Variants in AVL9 observed in about 807,000 individuals in gnomAD.
AVL9 encodes the protein late secretory pathway protein AVL9 homolog.
AVL9 carries 49 observed loss-of-function variants against 79.2 expected under a neutral mutation model. That is an observed-to-expected ratio of 0.62 (90% CI 0.49 to 0.79). AVL9 has a LOEUF of 0.79. AVL9 is among the 30% of genes least tolerant of loss of function. AVL9 has a pLI of 0.00. For missense variants in AVL9, 682 were observed against 776.8 expected, an observed-to-expected ratio of 0.88 and a Z score of 1.45; for synonymous variants, 299 against 280.6, an observed-to-expected ratio of 1.07 and a Z score of -0.65.
intron 1 of AVL9, among the ~76,000 whole-genome samples, chr7:32,526,712 A>G (rs1450977427): frequency 6.6e-6 from 1 of 152,142 alleles, no homozygotes; most frequent in African/African-American, 2.4e-5. Context: ...GAAAAAGAAA[A>G]AAGAGACATT....
chr7:32,506,359 C>T (rs1013421894), intron 1 of AVL9, among the ~76,000 whole-genome samples: 2 of 152,094 alleles, frequency 1.3e-5, no homozygotes, highest in Admixed American at 1.3e-4. Context: ...ATTACTCAAA[C>T]ACAAGCATCT....
chr7:32,511,144 G>A (rs1172356602), intron 1 of AVL9, among the ~76,000 whole-genome samples: 1 of 142,076 alleles, frequency 7.0e-6, no homozygotes, highest in Non-Finnish European at 1.5e-5. Flanking sequence ...GTCAGGTCTG[G>A]TTGTAGGAGT....
intron 1 of AVL9, chr7:32,532,423 T>C (rs1166653952): frequency 4.6e-5 from 7 of 152,212 alleles, no homozygotes; most frequent in Admixed American, 2.0e-4. Flanking sequence ...TGGTGTTTTA[T>C]TGGGGACCCA....
intron 1 of AVL9, chr7:32,534,735 G>A (rs989831885): frequency 3.3e-5 from 5 of 152,212 alleles, no homozygotes; most frequent in African/African-American, 1.2e-4. Context: ...CTTCAGGTCA[G>A]GAGTTCGAGA....
At chr7:32,579,026 C>T (rs747045390) in intron 13 of AVL9, among the ~76,000 whole-genome samples, 1 of 151,680 alleles carries the variant, frequency 6.6e-6, no homozygotes, top group Admixed American at 6.6e-5. Flanking sequence ...TATTTCAATC[C>T]TGTGATTCAG....
At chr7:32,577,492 G>A (rs1026199834) in intron 13 of AVL9, among the ~76,000 whole-genome samples, 4 of 152,182 alleles carry the variant, frequency 2.6e-5, no homozygotes, top group Non-Finnish European at 4.4e-5. Context: ...TATTCTCAGC[G>A]TGCTGAAGGG....
At chr7:32,552,522 C>CT (rs1789878115) in intron 6 of AVL9, among the ~76,000 whole-genome samples, 1 of 149,654 alleles carries the variant, frequency 6.7e-6, no homozygotes, top group African/African-American at 2.5e-5. Context: ...TGAATTTCTG[C>CT]CTTTTTTTTT....
intron 1 of AVL9, among the ~76,000 whole-genome samples, chr7:32,497,899 C>T (rs898096963): frequency 2.0e-4 from 30 of 152,202 alleles, no homozygotes; most frequent in African/African-American, 7.2e-4. Flanking sequence ...GATCCGCCCG[C>T]CTCGGCCTCC....
Position 32,539,877 on chromosome 7 carries a change from C to G in AVL9, c.94-3264C>G, listed in dbSNP as rs540323875. ...ATGGCCCTTTCTTCCATCTTTAAAG[C>G]CAATGGAATAGCATCTTCAAATATC... On this transcript the variant is annotated intron_variant, in intron 1 of 15. Transcript: ENST00000318709. Among the ~76,000 whole-genome samples, 14 of 152,278 alleles carry G rather than the reference C, an allele frequency of 9.2e-5. 1 individual carries two copies. The South Asian group carries it at 2.9e-3, about 32-fold the overall frequency.
intron 3 of AVL9, among the ~76,000 whole-genome samples, chr7:32,546,820 C>CA (rs1403722257): frequency 4.0e-5 from 6 of 151,060 alleles, no homozygotes; most frequent in South Asian, 4.2e-4. Flanking sequence ...GAGACTCCCT[C>CA]AAAAAAATAA....
intron 1 of AVL9, 151 bp downstream of exon 1, chr7:32,495,953 G>T: frequency 2.2e-6 from 1 of 451,924 alleles, no homozygotes; most frequent in Non-Finnish European, 3.8e-6. Context: ...TCCTTTTGCA[G>T]CTCCTCCCAC....
At chr7:32,558,723 T>C in intron 9 of AVL9, 95 bp downstream of exon 9, 1 of 1,157,284 alleles carries the variant, frequency 8.6e-7, no homozygotes. Flanking sequence ...TTCGTTAGGG[T>C]TATCCTTTCT....
intron 11 of AVL9, among the ~76,000 whole-genome samples, chr7:32,572,677 C>T (rs555512639): frequency 6.6e-6 from 1 of 150,688 alleles, no homozygotes; most frequent in East Asian, 2.0e-4. Context: ...TGGTGGGCGC[C>T]TGTAGTCCCA....
intron 1 of AVL9, among the ~76,000 whole-genome samples, chr7:32,541,105 T>C (rs1739250070): frequency 6.6e-6 from 1 of 151,498 alleles, no homozygotes; most frequent in African/African-American, 2.4e-5. Context: ...GTTTCACCGT[T>C]TTAGCCGGGA....
At chr7:32,518,859 T>G (rs562045470) in intron 1 of AVL9, among the ~76,000 whole-genome samples, 114 of 152,302 alleles carry the variant, frequency 7.5e-4, no homozygotes, top group African/African-American at 2.4e-3. Context: ...AAAAATACAC[T>G]CAATAATTGG....
intron 1 of AVL9, among the ~76,000 whole-genome samples, chr7:32,514,237 G>C (rs762636191): frequency 7.2e-5 from 11 of 152,192 alleles, no homozygotes; most frequent in Non-Finnish European, 1.6e-4. Context: ...ATCTTAGGCT[G>C]TCTCAGTGGG....
At chr7:32,539,552 C>A (rs1562774363) in intron 1 of AVL9, among the ~76,000 whole-genome samples, 1 of 152,162 alleles carries the variant, frequency 6.6e-6, no homozygotes, top group East Asian at 1.9e-4. Flanking sequence ...CTTTATCCAG[C>A]CTTTATTCAA....
chr7:32,573,025 TAAATAG>T (rs1053749838), intron 11 of AVL9, among the ~76,000 whole-genome samples, 168 bp from the exon 12 acceptor site: 5 of 152,158 alleles, frequency 3.3e-5, no homozygotes, highest in Non-Finnish European at 7.3e-5. Context: ...GAGCATTTTA[TAAATAG>T]AAAGAAAACT....
chr7:32,567,880 C>CAGCT (rs1257547985), intron 10 of AVL9, among the ~76,000 whole-genome samples: 1 of 151,568 alleles, frequency 6.6e-6, no homozygotes, highest in Admixed American at 6.6e-5. Context: ...ACCACAGGTC[C>CAGCT]AGCTCATTTT....
Sources: allele counts gnomAD v4.1 joint callset (sites outside exome capture counted in the v4.1 genomes callset), GRCh38; gene constraint gnomAD v4.1.1; transcripts MANE v1.5; gene names NCBI Gene and HGNC (gene_info 2026-07-23, HGNC 2026-07-21).